Variants in AGPAT3 observed in about 807,000 individuals in gnomAD.
AGPAT3 encodes the protein 1-acyl-sn-glycerol-3-phosphate acyltransferase gamma.
A neutral mutation model predicts 47.3 loss-of-function variants in AGPAT3; 5 were observed. That is an observed-to-expected ratio of 0.11 (90% CI 0.06 to 0.22). The LOEUF is 0.22. Among genes scored for constraint, AGPAT3 ranks in the 10% least tolerant of loss-of-function variants. The probability of loss-of-function intolerance (pLI) is 1.00; values close to 1 mark genes in which losing one functional copy is unlikely to be tolerated. For synonymous variants in AGPAT3, 212 were observed against 208.3 expected (o/e 1.02, Z -0.15); for missense variants, 315 against 493.0 (o/e 0.64, Z 3.42).
intron 3 of AGPAT3, among the ~76,000 whole-genome samples, chr21:43,962,036 T>C (rs1569095502): frequency 2.0e-5 from 3 of 151,470 alleles, no homozygotes; most frequent in African/African-American, 7.3e-5. Context: ...AGTCTCGCTC[T>C]GTTGCCCAGG....
chr21:43,904,074 G>C (rs1373663326), intron 2 of AGPAT3, 55 bp downstream of exon 2: 3 of 122,748 alleles, frequency 2.4e-5, no homozygotes, highest in Non-Finnish European at 4.9e-5. Flanking sequence ...GAGTGTGTGT[G>C]TGTGTGTGTG....
intron 2 of AGPAT3, among the ~76,000 whole-genome samples, chr21:43,946,306 A>G (rs1415605990): frequency 6.6e-6 from 1 of 152,232 alleles, no homozygotes; most frequent in Admixed American, 6.5e-5. Flanking sequence ...AAATATAATG[A>G]AAAGTGCATG....
chr21:43,883,027 C>T (rs2085888839), intron 1 of AGPAT3, among the ~76,000 whole-genome samples: 1 of 152,270 alleles, frequency 6.6e-6, no homozygotes, highest in Non-Finnish European at 1.5e-5. Flanking sequence ...CTTTCTTCTC[C>T]TTTATTTGTG....
chr21:43,926,675 G>T (rs1363198130), intron 2 of AGPAT3, among the ~76,000 whole-genome samples: 6 of 141,058 alleles, frequency 4.3e-5, no homozygotes, highest in Admixed American at 2.9e-4. Flanking sequence ...TAATAAAAAG[G>T]AGGGCTGGGC....
chr21:43,985,550 C>G lies in AGPAT3; in HGVS notation c.*3158C>G, dbSNP rs1236347289. On this transcript the variant is annotated 3_prime_UTR_variant, in exon 10 of 10. Coordinates refer to ENST00000291572, the MANE Select transcript of AGPAT3 (RefSeq NM_020132.5). ...ATTGATGTTGATTTGAAGGAAAAGC[C>G]GTGGTTGGACCCAGCTGTGTGTTTC... 1 of 268,138 alleles carries G rather than the reference C, an allele frequency of 3.7e-6. No homozygotes were observed. The highest frequency in any genetic ancestry group is 1.1e-4 in the East Asian group (1 of 9,278). 16.6% of individuals were successfully genotyped at this position (268,138 alleles called of 1,614,324 possible).
At position 43,983,812 on chromosome 21, in the gene AGPAT3, G is replaced by A. The variant is rs1032721025; in HGVS notation, c.*1420G>A. On this transcript the variant is annotated 3_prime_UTR_variant, in exon 10 of 10. Coordinates refer to ENST00000291572, the MANE Select transcript of AGPAT3 (RefSeq NM_020132.5). ...CACAGCGCCCTCATCTTTTTAGCAA[G>A]GTAAAAAAACCAAAATGGGTGTTAT... 1 of 152,132 alleles carries A rather than the reference G, an allele frequency of 6.6e-6. No individual in the cohort carries two copies. The highest frequency in any genetic ancestry group is 1.5e-5 in the Non-Finnish European group (1 of 68,018). 9.4% of individuals were successfully genotyped at this position (152,132 alleles called of 1,614,324 possible). A position where few individuals can be genotyped will look rare whatever the true frequency, so the allele number is the denominator to read the frequency against.
At chr21:43,967,428 A>G (rs2089182921) in intron 3 of AGPAT3, 1 of 152,724 alleles carries the variant, frequency 6.5e-6, no homozygotes, top group African/African-American at 2.4e-5. Context: ...TAGGCCTCAC[A>G]TGGCTTTTTT....
At chr21:43,870,862 A>C (rs2085609550) in intron 1 of AGPAT3, among the ~76,000 whole-genome samples, 1 of 152,234 alleles carries the variant, frequency 6.6e-6, no homozygotes, top group African/African-American at 2.4e-5. Flanking sequence ...TGCAGACATG[A>C]GGCCTATGAA....
At chr21:43,911,592 T>C (rs1374241969) in intron 2 of AGPAT3, among the ~76,000 whole-genome samples, 1 of 152,172 alleles carries the variant, frequency 6.6e-6, no homozygotes, top group Non-Finnish European at 1.5e-5. Flanking sequence ...GTGCCGTTCA[T>C]AAGTTCATAA....
intron 2 of AGPAT3, among the ~76,000 whole-genome samples, chr21:43,915,569 G>A (rs1366529520): frequency 6.6e-6 from 1 of 151,264 alleles, no homozygotes; most frequent in Non-Finnish European, 1.5e-5. Flanking sequence ...GCACCACCAT[G>A]CCTGGCTAAT....
Position 43,968,093 on chromosome 21 carries a change from G to A in AGPAT3, c.326G>A (p.Cys109Tyr). 1 of 1,613,808 alleles carries A rather than the reference G, an allele frequency of 6.2e-7. No individual in the cohort carries two copies. Among genetic ancestry groups the A allele is most frequent in the Non-Finnish European group, 8.5e-7 (1 of 1,179,970 alleles). The change falls in exon 4 of 10, where the codon TGT becomes TAT. Residue 109 changes from cysteine (C) to tyrosine (Y), a missense_variant. Cys to Tyr is a radical substitution (Grantham distance 194, BLOSUM62 -2). Coordinates refer to ENST00000291572, the MANE Select transcript of AGPAT3 (RefSeq NM_020132.5). ...EIDFLCGWTM[C>Y]ERFGVLGSSK... ...GACTTCCTCTGTGGGTGGACCATGT[G>A]TGAGCGCTTCGGAGTGCTGGGGGTG... is the stretch of plus-strand genomic sequence containing the variant.
rs766561515 is a variant in AGPAT3 at position 43,983,978 on chromosome 21, G to T, written c.*1586G>T. 1 of 152,238 alleles carries T rather than the reference G, an allele frequency of 6.6e-6. No homozygotes were observed. Among genetic ancestry groups the T allele is most frequent in the Non-Finnish European group, 1.5e-5 (1 of 68,034 alleles). 9.4% of individuals were successfully genotyped at this position (152,238 alleles called of 1,614,324 possible). A position where few individuals can be genotyped will look rare whatever the true frequency, so the allele number is the denominator to read the frequency against. On this transcript the variant is annotated 3_prime_UTR_variant, in exon 10 of 10. Transcript: ENST00000291572. The stretch of plus-strand genomic sequence containing the variant: ...GCCTAAGTGTCCTGGGGAGATTGGA[G>T]GGGACGGCAGCGTTCTGCATGATGG...
At position 43,967,935 on chromosome 21, in the gene AGPAT3, CCT is replaced by C; in HGVS notation, c.179-10_179-9del. 1 of 1,612,424 alleles carries C rather than the reference CCT, an allele frequency of 6.2e-7. No homozygotes were observed. Among genetic ancestry groups the C allele is most frequent in the East Asian group, 2.2e-5 (1 of 44,848 alleles). On this transcript the variant is annotated splice_polypyrimidine_tract_variant and intron_variant, in intron 3 of 9. Transcript: ENST00000291572. ...GTCCTACCAGTGCCAACGCCCTCCC[CCT>C]GTCCGCAGAACTGGTCATGCTGCTG...
intron 1 of AGPAT3, among the ~76,000 whole-genome samples, chr21:43,888,257 C>G (rs1432565366): frequency 6.6e-6 from 1 of 152,186 alleles, no homozygotes. Flanking sequence ...CCAGGCTGGT[C>G]TCGAATTCCT....
chr21:43,933,527 A>G lies in AGPAT3; in HGVS notation c.-48-26107A>G, dbSNP rs918100150. ...CTGCTTCTTGACATTTTCCATGCCC[A>G]GCATTGTTCTCAGTGCGCCCCGGGG... On this transcript the variant is annotated intron_variant, in intron 2 of 9. Transcript: ENST00000291572. This position sits in a 1 kb window ranked among gnomAD's most constrained non-coding sequence, Gnocchi z 6.0. Among the ~76,000 whole-genome samples the G allele has an allele frequency of 2.0e-5, 3 of 151,998 alleles. No homozygotes were observed. The highest frequency in any genetic ancestry group is 1.9e-4 in the East Asian group (1 of 5,192).
chr21:43,922,861 A>G lies in AGPAT3; in HGVS notation c.-49+18842A>G, dbSNP rs1165096418. On this transcript the variant is annotated intron_variant, in intron 2 of 9. Transcript: ENST00000291572. This position sits in a 1 kb window ranked among gnomAD's most constrained non-coding sequence, Gnocchi z 4.9. ...CTGCATTTTTTCGCTGTGTGATGTG[A>G]CTGGCTGCCCAGTGGTGGTGGCAGA... 3.9e-5 allele frequency among the ~76,000 whole-genome samples: 6 copies of G among 152,118 alleles called. No homozygotes were observed. The highest frequency in any genetic ancestry group is 5.9e-5 in the Non-Finnish European group (4 of 68,004).
At chr21:43,897,467 G>A (rs1205354135) in intron 1 of AGPAT3, among the ~76,000 whole-genome samples, 2 of 152,036 alleles carry the variant, frequency 1.3e-5, no homozygotes, top group Non-Finnish European at 2.9e-5. Flanking sequence ...GATGGTCGCT[G>A]TCCCTTCGGA....
In AGPAT3 at chr21:43,880,870, G is replaced by A. The variant is rs1352155981; in HGVS notation, c.-112+15525G>A. Among the ~76,000 whole-genome samples the A allele has an allele frequency of 2.6e-5, 4 of 152,162 alleles. No homozygotes were observed. Among genetic ancestry groups the A allele is most frequent in the East Asian group, 1.9e-4 (1 of 5,190 alleles). ...TTTGACATGGTGGTGAATTGGACAC[G>A]TGACAGGTGGCAATATGTTAACTGT... On this transcript the variant is annotated intron_variant, in intron 1 of 9. Coordinates refer to ENST00000291572, the MANE Select transcript of AGPAT3 (RefSeq NM_020132.5). This position sits in a 1 kb window ranked among gnomAD's most constrained non-coding sequence, Gnocchi z 4.5.
At chr21:43,885,059 G>T (rs138045457) in intron 1 of AGPAT3, among the ~76,000 whole-genome samples, 151 of 152,374 alleles carry the variant, frequency 9.9e-4, no homozygotes, top group Middle Eastern at 3.4e-3. Context: ...ATGCAGTGAC[G>T]TGCGGTGCTG....
Sources: allele counts gnomAD v4.1 joint callset (sites outside exome capture counted in the v4.1 genomes callset), GRCh38; gene constraint gnomAD v4.1.1; non-coding constraint Gnocchi (gnomAD v3.1); transcripts MANE v1.5; gene names NCBI Gene and HGNC (gene_info 2026-07-23, HGNC 2026-07-21).